TPO: variants seen among roughly 807,000 people sequenced by gnomAD.
The protein encoded by TPO is thyroid microsomal antigen.
TPO carries 78 observed loss-of-function variants against 96.9 expected under a neutral mutation model. The ratio of observed to expected loss-of-function variants is 0.81; its 90% confidence interval spans 0.67 to 0.97. The LOEUF is 0.97. Ranked by LOEUF, TPO falls within the 50% of genes least tolerant of loss-of-function variation. TPO has a pLI of 0.00. For missense variants in TPO, 1,252 were observed against 1,274.8 expected (o/e 0.98, Z 0.27); for synonymous variants, 547 against 538.0 (o/e 1.02, Z -0.23).
At chr2:1,489,253 A>G (rs1215811400) in intron 10 of TPO, among the ~76,000 whole-genome samples, 4 of 137,110 alleles carry the variant, frequency 2.9e-5, no homozygotes, top group Non-Finnish European at 4.6e-5. Flanking sequence ...CCTAGCACAT[A>G]CCCAGCACAC....
At position 1,540,673 on chromosome 2, in the gene TPO, C is replaced by A; in HGVS notation, c.2698C>A (p.Gln900Lys). Residue 900 changes from glutamine to lysine, a missense_variant, in exon 16 of 17, where the codon CAG becomes AAG. Gln to Lys is a moderately conservative substitution (Grantham distance 53). Transcript: ENST00000329066. ...TCCCGAGCTGAGATGCGGAAAGCAC[C>A]AGGCCGTAGGGACCTCACCGCAGCG... ...GTPELRCGKH[Q>K]AVGTSPQRAA... 6.2e-7 allele frequency: 1 copy of A among 1,613,396 alleles called. No homozygotes were observed. The highest frequency in any genetic ancestry group is 8.5e-7 in the Non-Finnish European group (1 of 1,180,014).
intron 1 of TPO, among the ~76,000 whole-genome samples, chr2:1,375,816 T>G (rs547181730): frequency 1.3e-5 from 2 of 152,296 alleles, no homozygotes; most frequent in South Asian, 4.1e-4. Flanking sequence ...ACTCTAGTTC[T>G]GGTTTTTGGG....
intron 7 of TPO, among the ~76,000 whole-genome samples, chr2:1,475,899 C>T (rs554301533): frequency 6.6e-6 from 1 of 152,358 alleles, no homozygotes; most frequent in African/African-American, 2.4e-5. Context: ...GGGGTTCTGA[C>T]AGCATCTGCT....
intron 14 of TPO, among the ~76,000 whole-genome samples, chr2:1,513,967 A>AC (rs1182628071): frequency 6.6e-5 from 10 of 152,358 alleles, no homozygotes; most frequent in African/African-American, 2.4e-4. Flanking sequence ...AGAGGTAGTT[A>AC]CCCATACATA....
chr2:1,537,020 ACGT>A (rs1404299595), intron 15 of TPO, among the ~76,000 whole-genome samples: 1 of 39,580 alleles, frequency 2.5e-5, no homozygotes, highest in Non-Finnish European at 4.6e-5. Flanking sequence ...ACTGTGTGCA[ACGT>A]CCTCAAATAC....
intron 13 of TPO, among the ~76,000 whole-genome samples, chr2:1,499,904 G>T (rs1672708038): frequency 6.6e-6 from 1 of 152,200 alleles, no homozygotes; most frequent in Admixed American, 6.5e-5. Context: ...ATAAGGCATT[G>T]ATTTAAATTA....
intron 15 of TPO, among the ~76,000 whole-genome samples, chr2:1,531,922 CTGTG>C (rs1678351418): frequency 9.1e-6 from 1 of 109,636 alleles, no homozygotes; most frequent in African/African-American, 3.3e-5. Flanking sequence ...ATCACCCCCA[CTGTG>C]TGCAACCTCC....
At chr2:1,494,080 A>G (rs1428286758) in intron 11 of TPO, 41 bp downstream of exon 11, 1 of 1,598,246 alleles carries the variant, frequency 6.3e-7, no homozygotes. Context: ...CGTTCTGCAC[A>G]GAGGCAGGTG....
At chr2:1,542,359 T>C in intron 16 of TPO, 62 bp from the exon 17 acceptor site, 1 of 1,602,618 alleles carries the variant, frequency 6.2e-7, no homozygotes, top group Non-Finnish European at 8.5e-7. Context: ...GTATCAAGTG[T>C]GTGCTGTTAC....
intron 14 of TPO, among the ~76,000 whole-genome samples, chr2:1,505,213 C>T (rs973796823): frequency 4.6e-5 from 7 of 152,236 alleles, no homozygotes; most frequent in East Asian, 1.9e-4. Flanking sequence ...TTGACTGGCA[C>T]GTCCCCCACT....
chr2:1,430,996 CTG>C (rs1389679427), intron 3 of TPO, among the ~76,000 whole-genome samples: 1 of 152,116 alleles, frequency 6.6e-6, no homozygotes. Context: ...CTTTGGGGGA[CTG>C]TTGCGAATGC....
chr2:1,520,793 T>C (rs1675176577), intron 15 of TPO, among the ~76,000 whole-genome samples: 1 of 152,254 alleles, frequency 6.6e-6, no homozygotes, highest in Non-Finnish European at 1.5e-5. Context: ...CTTTGGTCCA[T>C]GTCAGTTTTG....
At chr2:1,417,964 G>A (rs1442773636) in intron 2 of TPO, among the ~76,000 whole-genome samples, 1 of 147,020 alleles carries the variant, frequency 6.8e-6, no homozygotes, top group Non-Finnish European at 1.5e-5. Context: ...TATTAGGCCA[G>A]TGCCGTGACT....
chr2:1,412,637 G>A (rs1662468055), upstream of TPO, among the ~76,000 whole-genome samples: 1 of 152,140 alleles, frequency 6.6e-6, no homozygotes, highest in South Asian at 2.1e-4. Context: ...AAATTACCTA[G>A]AGGAAGCATC....
chr2:1,536,014 T>C (rs1311211887), intron 15 of TPO, among the ~76,000 whole-genome samples: 2 of 5,936 alleles, frequency 3.4e-4, no homozygotes, highest in African/African-American at 8.7e-4. Context: ...CGCAACCTCC[T>C]CAAATCCCCC....
chr2:1,473,663 AT>A (rs1042726675), intron 7 of TPO, among the ~76,000 whole-genome samples: 6 of 152,030 alleles, frequency 3.9e-5, no homozygotes, highest in African/African-American at 1.2e-4. Context: ...CTTTTCCCAA[AT>A]TTTTTGTATA....
intron 1 of TPO, among the ~76,000 whole-genome samples, chr2:1,384,989 G>A (rs1661867988): frequency 6.6e-6 from 1 of 152,130 alleles, no homozygotes; most frequent in South Asian, 2.1e-4. Context: ...TTTGTCTTTG[G>A]TTCTGTTTAT....
At chr2:1,380,251 G>A (rs936069435) in intron 1 of TPO, among the ~76,000 whole-genome samples, 3 of 151,972 alleles carry the variant, frequency 2.0e-5, no homozygotes, top group East Asian at 3.9e-4. Context: ...AAAATTAGCA[G>A]GGCGTGGTGG....
intron 1 of TPO, among the ~76,000 whole-genome samples, chr2:1,403,696 C>T (rs1346067138): frequency 6.6e-6 from 1 of 152,214 alleles, no homozygotes; most frequent in Non-Finnish European, 1.5e-5. Flanking sequence ...AACGTGGTCC[C>T]GTGACAGTCC....
Sources: gnomAD v4.1 joint callset for allele counts (sites outside exome capture counted in the v4.1 genomes callset) on GRCh38, gnomAD v4.1.1 for gene constraint, MANE v1.5 for transcripts, NCBI Gene and HGNC (gene_info 2026-07-23, HGNC 2026-07-21) for gene names.